Variants in FNDC3B observed in about 807,000 individuals in gnomAD.
FNDC3B encodes fibronectin type III domain-containing protein 3B.
FNDC3B carries 12 observed loss-of-function variants against 151.5 expected under a neutral mutation model. The observed-to-expected ratio is 0.08, with a 90% CI of 0.05 to 0.13. The LOEUF (loss-of-function observed/expected upper bound fraction) is 0.13, where lower values mean the gene tolerates loss of function less well. Among genes scored for constraint, FNDC3B ranks in the 10% least tolerant of loss-of-function variants. The pLI, the probability that FNDC3B is intolerant of heterozygous loss-of-function variation, is 1.00. For synonymous variants in FNDC3B, 528 were observed against 549.0 expected (o/e 0.96, Z 0.54); for missense variants, 1,214 against 1,505.3 (o/e 0.81, Z 3.20).
chr3:172,133,660 G>GAT (rs763580982), intron 3 of FNDC3B, 114 bp downstream of exon 3: 1 of 815,850 alleles, frequency 1.2e-6, no homozygotes, highest in South Asian at 1.4e-5. Flanking sequence ...GTATATCTTG[G>GAT]ATATTCATTT....
At chr3:172,272,665 G>A (rs151234396) in intron 6 of FNDC3B, among the ~76,000 whole-genome samples, 139 of 152,292 alleles carry the variant, frequency 9.1e-4, no homozygotes, top group African/African-American at 3.2e-3. Flanking sequence ...CCTAAAAACC[G>A]AATATGATGA....
At chr3:172,072,068 T>G (rs756194446) in intron 1 of FNDC3B, among the ~76,000 whole-genome samples, 3 of 150,678 alleles carry the variant, frequency 2.0e-5, no homozygotes, top group Non-Finnish European at 4.4e-5. Context: ...ATCCTTCATT[T>G]TCTTCAATGA....
rs543467809 is a variant in FNDC3B at position 172,368,454 on chromosome 3, T to C, written c.3008+5609T>C. On this transcript the variant is annotated intron_variant, in intron 23 of 25. Coordinates refer to ENST00000415807, the MANE Select transcript of FNDC3B (RefSeq NM_022763.4). ...GCCCTTAAGAAACCCTCAGGATTTG[T>C]TTCCAGTGCTTCTCTGACTAGTCCC... 2.0e-5 allele frequency among the ~76,000 whole-genome samples: 3 copies of C among 152,268 alleles called. No individual in the cohort carries two copies. The East Asian group carries it at 5.8e-4, about 29-fold the overall frequency.
chr3:172,383,491 T>C (rs892331156), intron 25 of FNDC3B, among the ~76,000 whole-genome samples: 1 of 152,244 alleles, frequency 6.6e-6, no homozygotes, highest in Admixed American at 6.5e-5. Context: ...AGGGAGATGA[T>C]GCATAGGCCC....
chr3:172,148,205 T>C (rs1041643530), intron 3 of FNDC3B, among the ~76,000 whole-genome samples: 2 of 152,132 alleles, frequency 1.3e-5, no homozygotes, highest in Non-Finnish European at 2.9e-5. Flanking sequence ...TTTTAAAGTC[T>C]AATGAATAAT....
At chr3:172,310,954 T>G in intron 11 of FNDC3B, 73 bp downstream of exon 11, 2 of 1,042,130 alleles carry the variant, frequency 1.9e-6, no homozygotes, top group Admixed American at 3.4e-5. Flanking sequence ...AATGCCATCT[T>G]ATTCTTTTAT....
intron 1 of FNDC3B, among the ~76,000 whole-genome samples, chr3:172,061,834 A>G (rs1717213707): frequency 6.6e-6 from 1 of 152,232 alleles, no homozygotes; most frequent in South Asian, 2.1e-4. Context: ...TTATATTTGC[A>G]CAAGTTACAC....
At chr3:172,262,564 G>A (rs941143557) in intron 6 of FNDC3B, among the ~76,000 whole-genome samples, 1 of 151,794 alleles carries the variant, frequency 6.6e-6, no homozygotes, top group Non-Finnish European at 1.5e-5. Context: ...TTAGAGTTTT[G>A]ATGTGCTTAA....
At chr3:172,363,837 C>CTATG (rs1305885916) in intron 23 of FNDC3B, among the ~76,000 whole-genome samples, 2 of 152,120 alleles carry the variant, frequency 1.3e-5, no homozygotes, top group African/African-American at 2.4e-5. Context: ...CACATAAGAC[C>CTATG]CTACCTCTAG....
chr3:172,041,943 T>C (rs960798270), intron 1 of FNDC3B, among the ~76,000 whole-genome samples: 2 of 152,152 alleles, frequency 1.3e-5, no homozygotes, highest in African/African-American at 4.8e-5. Context: ...ATTCTCACTT[T>C]GTTTAGATAC....
intron 9 of FNDC3B, among the ~76,000 whole-genome samples, chr3:172,300,820 T>C (rs938150470): frequency 6.6e-6 from 1 of 152,224 alleles, no homozygotes; most frequent in African/African-American, 2.4e-5. Context: ...TTTAACATCC[T>C]TTCTCTCCTA....
intron 1 of FNDC3B, among the ~76,000 whole-genome samples, chr3:172,070,117 T>G (rs1011887843): frequency 5.3e-5 from 8 of 152,338 alleles, no homozygotes; most frequent in African/African-American, 1.9e-4. Context: ...CAAGGTTGGC[T>G]AACCTCTAAT....
chr3:172,249,503 A>G (rs1303778569), intron 5 of FNDC3B, among the ~76,000 whole-genome samples: 5 of 152,318 alleles, frequency 3.3e-5, no homozygotes, highest in East Asian at 1.9e-4. Context: ...CTTTATAAAT[A>G]AGCCATTGAT....
intron 7 of FNDC3B, among the ~76,000 whole-genome samples, chr3:172,288,454 A>C (rs930713829): frequency 6.6e-6 from 1 of 152,242 alleles, no homozygotes; most frequent in African/African-American, 2.4e-5. Context: ...TGAGAAATTC[A>C]GTCAAAAGAT....
rs1726517649 is a variant in FNDC3B at position 172,225,491 on chromosome 3, T to A, written c.188-1380T>A. ...ATTTGCCACAATAATGTCTGTCAAT[T>A]GTTTGTGGCTGGCCATAAAAACTCC... On this transcript the variant is annotated intron_variant, in intron 3 of 25. Transcript: ENST00000415807. 1.8e-5 allele frequency: 4 copies of A among 226,992 alleles called. 1 individual carries two copies. In the South Asian group the frequency reaches 2.8e-4, roughly 16 times the overall value. 14.1% of individuals were successfully genotyped at this position (226,992 alleles called of 1,614,324 possible).
intron 3 of FNDC3B, among the ~76,000 whole-genome samples, chr3:172,141,224 T>G (rs1358421025): frequency 1.3e-5 from 2 of 152,210 alleles, no homozygotes; most frequent in African/African-American, 4.8e-5. Context: ...AATTCTAGTC[T>G]CCCTTTCATT....
intron 2 of FNDC3B, among the ~76,000 whole-genome samples, chr3:172,121,043 G>A (rs1478027648): frequency 6.6e-6 from 1 of 152,168 alleles, no homozygotes; most frequent in African/African-American, 2.4e-5. Context: ...AATTGGCACA[G>A]AAGTTGCAGC....
intron 3 of FNDC3B, among the ~76,000 whole-genome samples, chr3:172,187,746 C>T (rs1436912743): frequency 1.3e-5 from 2 of 152,062 alleles, no homozygotes; most frequent in Admixed American, 6.5e-5. Context: ...CCTCCCATCT[C>T]ATTGTCCTGA....
chr3:172,142,535 C>T (rs1721677876), intron 3 of FNDC3B, among the ~76,000 whole-genome samples: 1 of 152,178 alleles, frequency 6.6e-6, no homozygotes, highest in Non-Finnish European at 1.5e-5. Flanking sequence ...TATTTCACAG[C>T]TTGTAGTCTT....
Sources: gnomAD v4.1 joint callset for allele counts (sites outside exome capture counted in the v4.1 genomes callset) on GRCh38, gnomAD v4.1.1 for gene constraint, MANE v1.5 for transcripts, NCBI Gene and HGNC (gene_info 2026-07-23, HGNC 2026-07-21) for gene names.